The following SYT6 variants were observed in gnomAD, a reference collection of about 807,000 sequenced individuals.
The protein encoded by SYT6 is synaptotagmin 6.
In SYT6, 24 loss-of-function variants were observed where a neutral mutation model predicts 38.4. That is an observed-to-expected ratio of 0.62 (90% confidence interval 0.45 to 0.88). The LOEUF (loss-of-function observed/expected upper bound fraction) is 0.88. Ranked by LOEUF, SYT6 falls within the 40% of genes least tolerant of loss-of-function variation. The pLI is 0.00. For synonymous variants in SYT6, 265 were observed against 241.9 expected (o/e 1.10, Z -0.89); for missense variants, 611 against 621.0 (o/e 0.98, Z 0.17).
At chr1:114,139,512 G>T in intron 2 of SYT6, 103 bp downstream of exon 2, 3 of 1,491,558 alleles carry the variant, frequency 2.0e-6, no homozygotes, top group Non-Finnish European at 2.7e-6. Context: ...AAGGATATGT[G>T]TTATTATTTC....
rs150195794 is a variant in SYT6, at chr1:114,113,956, G to T, written c.1072-10235C>A. ...GGGGCTGACTCTTCAGCCTCCCCCC[G>T]TGCCAGGGCTCTCCTCACAGGCTTC... On this transcript the variant is annotated intron_variant, in intron 3 of 7. Transcript: ENST00000610222. Among the ~76,000 whole-genome samples, 226 of 152,178 alleles carry T rather than the reference G, an allele frequency of 1.5e-3. 1 individual carries two copies. Among genetic ancestry groups the T allele is most frequent in the African/African-American group, 5.3e-3 (219 of 41,520 alleles).
chr1:114,121,955 G>A, intron 3 of SYT6, among the ~76,000 whole-genome samples: 1 of 152,226 alleles, frequency 6.6e-6, no homozygotes, highest in East Asian at 1.9e-4. Flanking sequence ...TTGGCTAAGG[G>A]GGAAAGCGAG....
chr1:114,148,838 AGT>A (rs1679290188), intron 1 of SYT6, among the ~76,000 whole-genome samples: 1 of 152,210 alleles, frequency 6.6e-6, no homozygotes, highest in Non-Finnish European at 1.5e-5. Context: ...TCAAGGGTAC[AGT>A]GCATTAAGGA....
At chr1:114,114,721 G>A (rs1281958524) in intron 3 of SYT6, among the ~76,000 whole-genome samples, 1 of 152,238 alleles carries the variant, frequency 6.6e-6, no homozygotes, top group African/African-American at 2.4e-5. Flanking sequence ...CGTGATATAA[G>A]GCGAGAGATT....
At position 114,096,647 on chromosome 1, in the gene SYT6, T is replaced by G. The variant is rs78423292; in HGVS notation, c.1515+1080A>C. Among the ~76,000 whole-genome samples, 310 of 152,320 alleles carry G rather than the reference T, an allele frequency of 2.0e-3. 7 individuals carry two copies. In the East Asian group the frequency reaches 0.039, roughly 19 times the overall value. On this transcript the variant is annotated intron_variant, in intron 6 of 7. Transcript: ENST00000610222. ...GAGAGGGCAGGGAGCCGGCAGGTTCTATGGGTTTGCAGACCTGACTTCTCT... is the reference window on the plus strand; with the variant it reads ...GAGAGGGCAGGGAGCCGGCAGGTTCGATGGGTTTGCAGACCTGACTTCTCT...
intron 3 of SYT6, among the ~76,000 whole-genome samples, chr1:114,107,138 C>T (rs1008696211): frequency 1.1e-4 from 16 of 152,180 alleles, no homozygotes; most frequent in African/African-American, 2.7e-4. Context: ...GAGTTGCCTG[C>T]GCTTTCACAG....
chr1:114,100,782 G>C (rs943273897), intron 4 of SYT6, among the ~76,000 whole-genome samples: 9 of 152,208 alleles, frequency 5.9e-5, no homozygotes, highest in African/African-American at 2.2e-4. Context: ...GGTTCAGGTA[G>C]ACAGATGGGC....
intron 3 of SYT6, among the ~76,000 whole-genome samples, chr1:114,109,705 G>A (rs141458461): frequency 6.6e-6 from 1 of 152,252 alleles, no homozygotes; most frequent in African/African-American, 2.4e-5. Flanking sequence ...GCAGGGAAAG[G>A]CATGTCAGTA....
chr1:114,092,338 C>CTCTGTGTGTG (rs991723002), intron 7 of SYT6, among the ~76,000 whole-genome samples: 2 of 128,488 alleles, frequency 1.6e-5, no homozygotes, highest in Admixed American at 8.9e-5. Context: ...CTCTCTCTCT[C>CTCTGTGTGTG]TGTGTGTGTG....
At chr1:114,143,980 G>C (rs1405025075) in intron 1 of SYT6, among the ~76,000 whole-genome samples, 1 of 152,214 alleles carries the variant, frequency 6.6e-6, no homozygotes, top group Non-Finnish European at 1.5e-5. Flanking sequence ...CTTGCTCGGA[G>C]TAGAGAAGTT....
At chr1:114,097,164 A>T (rs1041498591) in intron 6 of SYT6, among the ~76,000 whole-genome samples, 20 of 152,242 alleles carry the variant, frequency 1.3e-4, no homozygotes, top group Middle Eastern at 3.4e-3. Context: ...CTCTGTTAGA[A>T]CCCAACGCAA....
chr1:114,152,231 C>G (rs904461030), intron 1 of SYT6: 2 of 152,270 alleles, frequency 1.3e-5, no homozygotes, highest in African/African-American at 2.4e-5. Context: ...CTCCCAGAAC[C>G]GCCGGTCCCT....
At chr1:114,106,666 C>T (rs544595687) in intron 3 of SYT6, among the ~76,000 whole-genome samples, 1 of 152,184 alleles carries the variant, frequency 6.6e-6, no homozygotes, top group South Asian at 2.1e-4. Flanking sequence ...AATGCCTCCC[C>T]TTCTCCTCTT....
intron 3 of SYT6, among the ~76,000 whole-genome samples, chr1:114,131,074 G>A (rs924964057): frequency 5.9e-5 from 9 of 152,110 alleles, no homozygotes; most frequent in African/African-American, 2.2e-4. Context: ...TTTCATTTCA[G>A]GAGGCCTGCC....
intron 3 of SYT6, among the ~76,000 whole-genome samples, chr1:114,133,351 G>A (rs1241873819): frequency 6.6e-6 from 1 of 152,240 alleles, no homozygotes; most frequent in Non-Finnish European, 1.5e-5. Flanking sequence ...GAATAGTTGT[G>A]TGCGGTGGGG....
intron 1 of SYT6, among the ~76,000 whole-genome samples, chr1:114,143,556 GCA>G (rs1491181971): frequency 3.7e-5 from 4 of 108,148 alleles, no homozygotes; most frequent in South Asian, 3.5e-4. Flanking sequence ...TAACTTATGT[GCA>G]TGTGTGTGTG....
Position 114,103,663 on chromosome 1 carries a change from C to T in SYT6, c.1130G>A (p.Arg377Lys). Reference sequence around the variant, plus strand: ...ACACTTAATCACTGTGAGGGTGAGCCTGCCTGCAGTGGGCAGGTAGCAAAG... The same window carrying T: ...ACACTTAATCACTGTGAGGGTGAGCTTGCCTGCAGTGGGCAGGTAGCAAAG... ...FSLCYLPTAGRLTLTVIKCRN... is the reference protein window; with the variant it reads ...FSLCYLPTAGKLTLTVIKCRN... Residue 377 changes from arginine (R) to lysine (K), a missense_variant, in exon 4 of 8, where the codon AGG becomes AAG. Arg to Lys is a conservative substitution (Grantham distance 26, BLOSUM62 2). Transcript: ENST00000610222. 1 of 1,614,212 alleles carries T rather than the reference C, an allele frequency of 6.2e-7. No individual in the cohort carries two copies. The highest frequency in any genetic ancestry group is 1.1e-5 in the South Asian group (1 of 91,082).
Position 114,139,663 on chromosome 1 carries a change from C to T in SYT6, c.464G>A (p.Arg155His), listed in dbSNP as rs138691067. 9.1e-5 allele frequency: 147 copies of T among 1,613,834 alleles called. No homozygotes were observed. The highest frequency in any genetic ancestry group is 1.1e-4 in the Non-Finnish European group (129 of 1,180,008). ...AGTTTGCCGCTGCAGCCGGGTGTGACGCATGATGTGCTCCTTGACCGACAT... is the reference window on the plus strand; with the variant it reads ...AGTTTGCCGCTGCAGCCGGGTGTGATGCATGATGTGCTCCTTGACCGACAT... ...VQMSVKEHIM[R>H]HTRLQRQTTE... Residue 155 changes from arginine (R) to histidine (H), a missense_variant, in exon 2 of 8, where the codon CGT becomes CAT. Coordinates refer to ENST00000610222, the MANE Select transcript of SYT6 (RefSeq NM_001253772.2).
chr1:114,095,125 G>A (rs1032998008), intron 6 of SYT6, among the ~76,000 whole-genome samples: 2 of 152,222 alleles, frequency 1.3e-5, no homozygotes, highest in Non-Finnish European at 2.9e-5. Context: ...GTGCGTGGGG[G>A]AGGGGGCATT....
Sources: gnomAD v4.1 joint callset for allele counts (sites outside exome capture counted in the v4.1 genomes callset) on GRCh38, gnomAD v4.1.1 for gene constraint, MANE v1.5 for transcripts, NCBI Gene and HGNC (gene_info 2026-07-23, HGNC 2026-07-21) for gene names.